Variants in PRKN observed in about 807,000 individuals in gnomAD.
PRKN encodes parkin RBR E3 ubiquitin protein ligase.
Under a neutral mutation model 59.5 loss-of-function variants are expected in PRKN, and 56 were observed. The ratio of observed to expected loss-of-function variants is 0.94; its 90% CI spans 0.76 to 1.18. The LOEUF is 1.18. Ranked by LOEUF, PRKN falls within the 50% of genes most tolerant of loss-of-function variation. The probability of loss-of-function intolerance (pLI) is 0.00; values close to 1 mark genes in which losing one functional copy is unlikely to be tolerated. For synonymous variants in PRKN, 250 were observed against 222.1 expected (o/e 1.13, Z -1.12); for missense variants, 657 against 596.4 (o/e 1.10, Z -1.06).
intron 2 of PRKN, among the ~76,000 whole-genome samples, chr6:162,376,747 G>C (rs1163990239): frequency 7.7e-6 from 1 of 129,380 alleles, no homozygotes; most frequent in East Asian, 2.8e-4. Context: ...GTGGGAGAGG[G>C]AGACGGAGAG....
At chr6:161,969,268 GT>G (rs61461516) in intron 6 of PRKN, among the ~76,000 whole-genome samples, 10,484 of 133,928 alleles carry the variant, frequency 0.078, 695 homozygotes, top group African/African-American at 0.19. Context: ...AGTCTTATTT[GT>G]TTTTTTTTTT....
At position 162,177,934 on chromosome 6, in the gene PRKN, T is replaced by C. The variant is rs891762212; in HGVS notation, c.534+23197A>G. Among the ~76,000 whole-genome samples the C allele has an allele frequency of 1.1e-4, 16 of 152,220 alleles. No homozygotes were observed. In the South Asian group the frequency reaches 1.2e-3, roughly 12 times the overall value. ...GGTGTCCTTCATTTCTCTTTGAATG[T>C]GGCCAGGCCTCTTGAAGGAGAACAC... On this transcript the variant is annotated intron_variant, in intron 4 of 11. Transcript: ENST00000366898.
At chr6:162,492,956 C>CAAA (rs34716532) in intron 1 of PRKN, among the ~76,000 whole-genome samples, 134 of 110,280 alleles carry the variant, frequency 1.2e-3, no homozygotes, top group Non-Finnish European at 1.4e-3. Context: ...TTGTCTCAAA[C>CAAA]AAAAAAAAAA....
At chr6:162,559,931 C>A (rs1431814730) in intron 1 of PRKN, among the ~76,000 whole-genome samples, 2 of 152,214 alleles carry the variant, frequency 1.3e-5, no homozygotes, top group African/African-American at 4.8e-5. Flanking sequence ...GCCACCTAAT[C>A]TGTGACCATG....
chr6:161,854,083 A>AT (rs201902948), intron 6 of PRKN, among the ~76,000 whole-genome samples: 110 of 122,498 alleles, frequency 9.0e-4, no homozygotes, highest in Middle Eastern at 8.4e-3. Flanking sequence ...CTGTTTCTAC[A>AT]TAAAAAAAAA....
chr6:162,386,912 A>G (rs1011190707), intron 2 of PRKN, among the ~76,000 whole-genome samples: 2 of 152,218 alleles, frequency 1.3e-5, no homozygotes, highest in Admixed American at 6.5e-5. Context: ...CTACGTCAAT[A>G]AGGTAACATT....
At position 162,274,668 on chromosome 6, in the gene PRKN, C is replaced by T. The variant is rs143512521; in HGVS notation, c.172-11903G>A. Among the ~76,000 whole-genome samples, 712 of 152,254 alleles carry T rather than the reference C, an allele frequency of 4.7e-3. 10 individuals carry two copies. Among genetic ancestry groups the T allele is most frequent in the African/African-American group, 0.016 (679 of 41,546 alleles). ...TCACCCATCTCTCTTCCTGTTTTTA[C>T]AATTAAATTTGAAGAAAAATGGGTT... On this transcript the variant is annotated intron_variant, in intron 2 of 11. Coordinates refer to ENST00000366898, the MANE Select transcript of PRKN (RefSeq NM_004562.3).
intron 2 of PRKN, among the ~76,000 whole-genome samples, chr6:162,309,741 G>A (rs896542435): frequency 3.3e-5 from 5 of 152,116 alleles, no homozygotes; most frequent in Admixed American, 2.0e-4. Context: ...ACATGTGCAG[G>A]ATGTGCATGT....
chr6:161,756,441 C>CA (rs1554301128), intron 7 of PRKN, among the ~76,000 whole-genome samples: 6 of 16,064 alleles, frequency 3.7e-4, no homozygotes, highest in East Asian at 2.5e-3. Context: ...AACCTTGTCT[C>CA]GAAAAAAAAA....
At chr6:161,924,660 G>A (rs917040913) in intron 6 of PRKN, among the ~76,000 whole-genome samples, 3 of 152,080 alleles carry the variant, frequency 2.0e-5, no homozygotes, top group Admixed American at 6.6e-5. Context: ...CATTCTTCAG[G>A]GGCTCAACAC....
chr6:161,843,819 T>G (rs1488669481), intron 6 of PRKN, among the ~76,000 whole-genome samples: 8 of 152,102 alleles, frequency 5.3e-5, no homozygotes, highest in East Asian at 1.9e-4. Context: ...ATTCATGCAT[T>G]CATTCATTCC....
At chr6:162,538,807 T>C (rs1343098281) in intron 1 of PRKN, among the ~76,000 whole-genome samples, 1 of 152,232 alleles carries the variant, frequency 6.6e-6, no homozygotes, top group East Asian at 1.9e-4. Flanking sequence ...TTCAGCCACT[T>C]TCCTCTGCTG....
In PRKN at chr6:162,090,413, A is replaced by G. The variant is rs182624023; in HGVS notation, c.535-36239T>C. Among the ~76,000 whole-genome samples, 1,467 of 152,336 alleles carry G rather than the reference A, an allele frequency of 9.6e-3. 14 individuals are homozygous for G. The highest frequency in any genetic ancestry group is 0.017 in the Middle Eastern group (5 of 294). The stretch of plus-strand genomic sequence containing the variant: ...GCCCTACATTTTCCTAGTGGCAGAA[A>G]GTAGTGACCAGAATAAAAAAGCAAT... On this transcript the variant is annotated intron_variant, in intron 4 of 11. Transcript: ENST00000366898.
chr6:162,625,516 G>A (rs1782847710), intron 1 of PRKN, among the ~76,000 whole-genome samples: 1 of 152,086 alleles, frequency 6.6e-6, no homozygotes, highest in Non-Finnish European at 1.5e-5. Flanking sequence ...TGTCTTCAGG[G>A]TTTACTCAAT....
At chr6:161,936,488 C>T (rs1024950382) in intron 6 of PRKN, among the ~76,000 whole-genome samples, 1 of 152,010 alleles carries the variant, frequency 6.6e-6, no homozygotes, top group Non-Finnish European at 1.5e-5. Context: ...GGATTACAGG[C>T]GTGAGTCACC....
At chr6:162,013,558 T>C (rs1782818487) in intron 5 of PRKN, among the ~76,000 whole-genome samples, 1 of 152,176 alleles carries the variant, frequency 6.6e-6, no homozygotes, top group Admixed American at 6.5e-5. Flanking sequence ...ATGTGTGTGT[T>C]ATACACAAAA....
chr6:161,622,035 G>A (rs192469651), intron 7 of PRKN, among the ~76,000 whole-genome samples: 245 of 152,264 alleles, frequency 1.6e-3, no homozygotes, highest in African/African-American at 5.6e-3. Flanking sequence ...ATCTGCTGGT[G>A]TAACGAGCGC....
intron 1 of PRKN, among the ~76,000 whole-genome samples, chr6:162,561,018 G>C (rs1272765959): frequency 6.6e-6 from 1 of 152,218 alleles, no homozygotes; most frequent in East Asian, 1.9e-4. Flanking sequence ...TATTTGACCA[G>C]ATGGGACTGA....
intron 2 of PRKN, among the ~76,000 whole-genome samples, chr6:162,370,188 T>G (rs1389669525): frequency 6.6e-6 from 1 of 152,224 alleles, no homozygotes; most frequent in Non-Finnish European, 1.5e-5. Flanking sequence ...CTGCATCTCG[T>G]TTTCTCATGC....
Sources: allele counts gnomAD v4.1 joint callset (sites outside exome capture counted in the v4.1 genomes callset), GRCh38; gene constraint gnomAD v4.1.1; transcripts MANE v1.5; gene names NCBI Gene and HGNC (gene_info 2026-07-23, HGNC 2026-07-21).